TBC1D5: variants seen among roughly 807,000 people sequenced by gnomAD.
TBC1D5 encodes TBC1 domain family member 5.
A neutral mutation model predicts 100.3 loss-of-function variants in TBC1D5; 75 were observed. That is an observed-to-expected ratio of 0.75 (90% confidence interval 0.62 to 0.91). The LOEUF (loss-of-function observed/expected upper bound fraction) is 0.91, where lower values mean the gene tolerates loss of function less well. TBC1D5 is among the 40% of genes least tolerant of loss of function. The pLI, the probability that TBC1D5 is intolerant of heterozygous loss-of-function variation, is 0.00. For synonymous variants in TBC1D5, 323 were observed against 325.6 expected, an observed-to-expected ratio of 0.99 and a Z score of 0.09; for missense variants, 910 against 942.4, an observed-to-expected ratio of 0.97 and a Z score of 0.45.
chr3:17,202,119 G>C (rs2071535599), intron 18 of TBC1D5, among the ~76,000 whole-genome samples: 1 of 152,206 alleles, frequency 6.6e-6, no homozygotes, highest in Non-Finnish European at 1.5e-5. Context: ...TGAAGTCCAG[G>C]CTGAGATAGT....
chr3:17,391,248 C>T (rs749717859), intron 8 of TBC1D5, among the ~76,000 whole-genome samples: 3 of 152,050 alleles, frequency 2.0e-5, no homozygotes, highest in Non-Finnish European at 4.4e-5. Context: ...TCTTGGATCG[C>T]TTGATCTGAA....
intron 13 of TBC1D5, among the ~76,000 whole-genome samples, chr3:17,311,371 C>A (rs896925571): frequency 2.6e-5 from 4 of 152,072 alleles, no homozygotes; most frequent in South Asian, 2.1e-4. Context: ...TAATTAAGAT[C>A]TGCAGAAACA....
intron 15 of TBC1D5, among the ~76,000 whole-genome samples, chr3:17,283,940 T>C (rs982114751): frequency 6.6e-6 from 1 of 152,110 alleles, no homozygotes; most frequent in Admixed American, 6.5e-5. Context: ...TTCCCCTTCC[T>C]GGAGGTTCTC....
chr3:17,373,877 G>C (rs767176952), intron 12 of TBC1D5, among the ~76,000 whole-genome samples: 3 of 152,052 alleles, frequency 2.0e-5, no homozygotes, highest in Non-Finnish European at 4.4e-5. Context: ...ACTGTTAATG[G>C]ACATGCAGTT....
chr3:17,374,032 TA>T (rs985940514), intron 12 of TBC1D5, among the ~76,000 whole-genome samples: 19 of 152,146 alleles, frequency 1.2e-4, no homozygotes, highest in Admixed American at 7.9e-4. Context: ...AAAATATAGT[TA>T]AAAATATGAA....
intron 17 of TBC1D5, among the ~76,000 whole-genome samples, chr3:17,220,963 C>T (rs2167120): frequency 0.19 from 29,177 of 152,066 alleles, 3,120 homozygotes; most frequent in Middle Eastern, 0.26. Flanking sequence ...TTGACTTATA[C>T]CCCTCCAGTG....
At chr3:17,570,069 C>T (rs891335000) in intron 2 of TBC1D5, among the ~76,000 whole-genome samples, 2 of 151,898 alleles carry the variant, frequency 1.3e-5, no homozygotes, top group Non-Finnish European at 2.9e-5. Flanking sequence ...AACTTTCCAT[C>T]AGTAGAGCTC....
chr3:17,487,112 T>C (rs1462589632), intron 3 of TBC1D5, among the ~76,000 whole-genome samples: 2 of 151,616 alleles, frequency 1.3e-5, no homozygotes, highest in African/African-American at 4.9e-5. Context: ...TAATGTTTTC[T>C]TGGAACACAT....
At chr3:17,561,455 A>G (rs376715873) in intron 2 of TBC1D5, among the ~76,000 whole-genome samples, 1 of 152,180 alleles carries the variant, frequency 6.6e-6, no homozygotes, top group Non-Finnish European at 1.5e-5. Context: ...AACAAAATAA[A>G]CCAAATAAAT....
At chr3:17,696,641 C>A (rs1316818485) in intron 1 of TBC1D5, among the ~76,000 whole-genome samples, 1 of 152,100 alleles carries the variant, frequency 6.6e-6, no homozygotes, top group African/African-American at 2.4e-5. Flanking sequence ...AAGTCCAGGA[C>A]CAGACGGATT....
intron 3 of TBC1D5, among the ~76,000 whole-genome samples, chr3:17,440,951 C>T (rs925788001): frequency 1.3e-5 from 2 of 152,008 alleles, no homozygotes; most frequent in East Asian, 3.9e-4. Flanking sequence ...CAAAAAGATT[C>T]GTTTTTAAGT....
chr3:17,480,750 G>A (rs2095492059), intron 3 of TBC1D5, among the ~76,000 whole-genome samples: 1 of 152,096 alleles, frequency 6.6e-6, no homozygotes, highest in African/African-American at 2.4e-5. Flanking sequence ...CCTCTCTGCT[G>A]AGAGCTGGAC....
intron 2 of TBC1D5, among the ~76,000 whole-genome samples, chr3:17,620,424 T>C (rs571478676): frequency 8.3e-4 from 127 of 152,184 alleles, no homozygotes; most frequent in Non-Finnish European, 1.5e-3. Context: ...GCATAAGAGA[T>C]TGGTTGAAGA....
At chr3:17,214,427 C>A in intron 17 of TBC1D5, 57 bp from the exon 19 acceptor site, 5 of 1,535,116 alleles carry the variant, frequency 3.3e-6, no homozygotes, top group South Asian at 1.2e-5. Flanking sequence ...CTAAGCTATT[C>A]GATCTACTGT....
At chr3:17,282,998 G>A (rs994281154) in intron 15 of TBC1D5, among the ~76,000 whole-genome samples, 18 of 152,210 alleles carry the variant, frequency 1.2e-4, no homozygotes, top group Admixed American at 2.6e-4. Flanking sequence ...GATAAAGAAC[G>A]GCCAGGCCCT....
chr3:17,322,620 AC>A (rs1460913160), intron 13 of TBC1D5, among the ~76,000 whole-genome samples: 1 of 152,206 alleles, frequency 6.6e-6, no homozygotes, highest in Non-Finnish European at 1.5e-5. Flanking sequence ...AAAGACGCAG[AC>A]TCAAGGCCGA....
chr3:17,684,419 T>A (rs560149623), intron 1 of TBC1D5, among the ~76,000 whole-genome samples: 4 of 152,258 alleles, frequency 2.6e-5, no homozygotes, highest in Admixed American at 2.0e-4. Context: ...GCATCTCAAC[T>A]TGAAATGTAC....
At chr3:17,490,335 T>A (rs1237137179) in intron 3 of TBC1D5, among the ~76,000 whole-genome samples, 1 of 152,200 alleles carries the variant, frequency 6.6e-6, no homozygotes, top group Non-Finnish European at 1.5e-5. Context: ...AGCTCTTTAT[T>A]TTAATTAGAT....
intron 3 of TBC1D5, among the ~76,000 whole-genome samples, chr3:17,438,582 G>T (rs904439737): frequency 6.6e-6 from 1 of 152,152 alleles, no homozygotes; most frequent in African/African-American, 2.4e-5. Flanking sequence ...CACCATAATT[G>T]TAAGTTTCCT....
Sources: gnomAD v4.1 joint callset for allele counts (sites outside exome capture counted in the v4.1 genomes callset) on GRCh38, gnomAD v4.1.1 for gene constraint, MANE v1.5 for transcripts, NCBI Gene and HGNC (gene_info 2026-07-23, HGNC 2026-07-21) for gene names.